The following GRAMD4 variants were observed in gnomAD, a reference collection of about 807,000 sequenced individuals.
GRAMD4 encodes GRAM domain containing 4, also known as GRAM domain-containing protein 4.
A neutral mutation model predicts 83.9 loss-of-function variants in GRAMD4; 25 were observed. The ratio of observed to expected loss-of-function variants is 0.30; its 90% CI spans 0.22 to 0.42. GRAMD4 has a LOEUF of 0.42. GRAMD4 is among the 10% of genes least tolerant of loss of function. GRAMD4 has a pLI of 1.00. For missense variants in GRAMD4, 593 were observed against 788.7 expected, an observed-to-expected ratio of 0.75 and a Z score of 2.97; for synonymous variants, 336 against 320.9, an observed-to-expected ratio of 1.05 and a Z score of -0.50.
At chr22:46,673,252 C>G (rs113363489) in intron 14 of GRAMD4, among the ~76,000 whole-genome samples, 29 of 152,240 alleles carry the variant, frequency 1.9e-4, no homozygotes, top group African/African-American at 7.0e-4. Context: ...CTGGGAGTGA[C>G]CACTCCATGG....
In GRAMD4 at chr22:46,637,029, G is replaced by C. The variant is rs567528282; in HGVS notation, c.163-811G>C. Among the ~76,000 whole-genome samples the C allele has an allele frequency of 3.8e-3, 584 of 152,298 alleles. 3 individuals carry two copies. Among genetic ancestry groups the C allele is most frequent in the African/African-American group, 0.013 (553 of 41,558 alleles). On this transcript the variant is annotated intron_variant, in intron 2 of 18. Coordinates refer to ENST00000406902, the MANE Select transcript of GRAMD4 (RefSeq NM_015124.5). Reference sequence around the variant, plus strand: ...ACGACAAGGCCGCTGTTCGGAGTTTGCTCACCTCGGTTGCGGCAGACCCTT... The same window carrying C: ...ACGACAAGGCCGCTGTTCGGAGTTTCCTCACCTCGGTTGCGGCAGACCCTT...
intron 3 of GRAMD4, among the ~76,000 whole-genome samples, chr22:46,651,994 G>C (rs1344974412): frequency 6.6e-6 from 1 of 152,172 alleles, no homozygotes; most frequent in Non-Finnish European, 1.5e-5. Context: ...GTGGAAGGAA[G>C]AGGACTGTCC....
chr22:46,582,364 A>G (rs147275889), intron 1 of GRAMD4, among the ~76,000 whole-genome samples: 27 of 150,594 alleles, frequency 1.8e-4, no homozygotes, highest in Non-Finnish European at 4.0e-4. Flanking sequence ...GAAACGGCTC[A>G]GCCTCTCTTG....
At chr22:46,644,757 G>A (rs529897408) in intron 3 of GRAMD4, among the ~76,000 whole-genome samples, 117 of 134,132 alleles carry the variant, frequency 8.7e-4, no homozygotes, top group African/African-American at 3.3e-3. Context: ...TTTTGAGATA[G>A]GGTCTCGCTC....
At chr22:46,577,109 G>A, upstream of GRAMD4, 1 of 167,392 alleles carries the variant, frequency 6.0e-6, no homozygotes, top group Non-Finnish European at 1.2e-5. Flanking sequence ...AGCGGGACGC[G>A]AGCGCGCGAC....
At chr22:46,587,415 C>A in intron 1 of GRAMD4, among the ~76,000 whole-genome samples, 1 of 152,046 alleles carries the variant, frequency 6.6e-6, no homozygotes, top group East Asian at 1.9e-4. Flanking sequence ...TGACACTGGG[C>A]CATCAGCTCT....
chr22:46,651,375 T>C (rs924970923), intron 3 of GRAMD4, among the ~76,000 whole-genome samples: 1 of 152,180 alleles, frequency 6.6e-6, no homozygotes, highest in Non-Finnish European at 1.5e-5. Context: ...AACAGTGCCA[T>C]GGGATCTGCA....
intron 14 of GRAMD4, among the ~76,000 whole-genome samples, chr22:46,673,327 G>A (rs1413710318): frequency 6.6e-6 from 1 of 152,228 alleles, no homozygotes; most frequent in Non-Finnish European, 1.5e-5. Flanking sequence ...AGTTTGAGAA[G>A]GGCCCCCTTG....
rs373909314 is a variant in GRAMD4 at position 46,658,314 on chromosome 22, C to T, written c.404+7C>T. On this transcript the variant is annotated splice_region_variant and intron_variant, in intron 4 of 18. Coordinates refer to ENST00000406902, the MANE Select transcript of GRAMD4 (RefSeq NM_015124.5). ...AGGAGGTGCTGAAGGCCAGGTACCG[C>T]GCCTTCCTCGGGGCCCTGGCCTGTG... 3.7e-5 allele frequency: 59 copies of T among 1,601,320 alleles called. No individual in the cohort carries two copies. The highest frequency in any genetic ancestry group is 1.2e-4 in the African/African-American group (9 of 74,630).
chr22:46,674,881 C>A, intron 16 of GRAMD4, 131 bp downstream of exon 16: 1 of 697,306 alleles, frequency 1.4e-6, no homozygotes. Context: ...CCATGCTCTG[C>A]TCTTGCCGGC....
At chr22:46,601,088 C>T (rs1176740290) in intron 1 of GRAMD4, among the ~76,000 whole-genome samples, 1 of 151,970 alleles carries the variant, frequency 6.6e-6, no homozygotes, top group Non-Finnish European at 1.5e-5. Context: ...AGGTTGCAGC[C>T]AGCTGAGATT....
intron 3 of GRAMD4, among the ~76,000 whole-genome samples, chr22:46,653,878 T>A (rs992981994): frequency 6.6e-6 from 1 of 152,168 alleles, no homozygotes; most frequent in African/African-American, 2.4e-5. Context: ...GCCTGCCCAG[T>A]GTGACTTGTC....
chr22:46,614,211 C>A (rs1010484671), intron 1 of GRAMD4, among the ~76,000 whole-genome samples: 33 of 152,338 alleles, frequency 2.2e-4, no homozygotes, highest in African/African-American at 7.5e-4. Context: ...CTGGGCCTGC[C>A]GCGCGTGGCA....
chr22:46,671,123 G>T, intron 13 of GRAMD4: 1 of 469,256 alleles, frequency 2.1e-6, no homozygotes, highest in East Asian at 7.0e-5. Context: ...GCTGGGACTT[G>T]GGCTCTCTTG....
chr22:46,633,798 G>A lies in GRAMD4; in HGVS notation c.163-4042G>A, dbSNP rs575126124. Reference sequence around the variant, plus strand: ...GTCCATGGGGTGTAGGCAGGAGGTGGGCTGGGTGGGCTCCGGGGGTCCCGG... The same window carrying A: ...GTCCATGGGGTGTAGGCAGGAGGTGAGCTGGGTGGGCTCCGGGGGTCCCGG... On this transcript the variant is annotated intron_variant, in intron 2 of 18. Coordinates refer to ENST00000406902, the MANE Select transcript of GRAMD4 (RefSeq NM_015124.5). Among the ~76,000 whole-genome samples, 44 of 152,274 alleles carry A rather than the reference G, an allele frequency of 2.9e-4. No homozygotes were observed. In the South Asian group the frequency reaches 7.7e-3, roughly 27 times the overall value.
At chr22:46,645,494 G>T (rs1230416669) in intron 3 of GRAMD4, among the ~76,000 whole-genome samples, 1 of 152,228 alleles carries the variant, frequency 6.6e-6, no homozygotes, top group East Asian at 1.9e-4. Flanking sequence ...CCAGGTGGCT[G>T]TGAGCATTTA....
intron 5 of GRAMD4, 97 bp downstream of exon 5, chr22:46,661,539 A>C (rs1417465933): frequency 2.4e-6 from 2 of 851,016 alleles, no homozygotes; most frequent in East Asian, 2.6e-5. Context: ...TGGAGCAGAT[A>C]CCCCCTCCCC....
chr22:46,662,723 G>A (rs527794644), intron 5 of GRAMD4, among the ~76,000 whole-genome samples: 2 of 152,288 alleles, frequency 1.3e-5, no homozygotes, highest in African/African-American at 4.8e-5. Flanking sequence ...CAGGCTGCCC[G>A]CTGACGAGAG....
At chr22:46,655,033 A>G (rs1210687369) in intron 3 of GRAMD4, among the ~76,000 whole-genome samples, 2 of 152,140 alleles carry the variant, frequency 1.3e-5, no homozygotes, top group Non-Finnish European at 2.9e-5. Context: ...CTGTTGGGGA[A>G]GTCACTCGGG....
Sources: gnomAD v4.1 joint callset for allele counts (sites outside exome capture counted in the v4.1 genomes callset) on GRCh38, gnomAD v4.1.1 for gene constraint, MANE v1.5 for transcripts, NCBI Gene and HGNC (gene_info 2026-07-23, HGNC 2026-07-21) for gene names.